The following CA1 variants were observed in gnomAD, a reference collection of about 807,000 sequenced individuals.
CA1 encodes the protein carbonate dehydratase I.
A neutral mutation model predicts 28.8 loss-of-function variants in CA1; 27 were observed. The observed-to-expected ratio is 0.94, with a 90% CI of 0.69 to 1.29. The LOEUF (loss-of-function observed/expected upper bound fraction) is 1.29. Among genes scored for constraint, CA1 ranks in the 50% most tolerant of loss-of-function variants. CA1 has a pLI of 0.00. For synonymous variants in CA1, 121 were observed against 108.8 expected (o/e 1.11, Z -0.70); for missense variants, 335 against 310.5 (o/e 1.08, Z -0.59).
chr8:85,332,891 A>G (rs1472880062), intron 5 of CA1, among the ~76,000 whole-genome samples: 1 of 152,188 alleles, frequency 6.6e-6, no homozygotes, highest in Non-Finnish European at 1.5e-5. Flanking sequence ...ATTAGTTTTC[A>G]TTACTACAGT....
At position 85,329,731 on chromosome 8, in the gene CA1, A is replaced by G; in HGVS notation, c.627T>C (p.Thr209=). The stretch of plus-strand genomic sequence containing the variant: ...TGATGCTCTCCTTACAGATGATCCA[A>G]GTTACACTCTCATAAAGAGGAGGAT... ...LTHPPLYESV[T]WIICKESISV... is the part of the protein sequence containing the mutation. The change falls in exon 7 of 8, where the codon ACT becomes ACC. Residue 209 remains threonine (T), a synonymous_variant. Coordinates refer to ENST00000523022, the MANE Select transcript of CA1 (RefSeq NM_001128831.4). 1.9e-6 allele frequency: 3 copies of G among 1,609,860 alleles called. No individual in the cohort carries two copies. The highest frequency in any genetic ancestry group is 1.1e-5 in the South Asian group (1 of 90,234).
chr8:85,333,392 CA>C, intron 5 of CA1, 132 bp downstream of exon 5: 2 of 642,614 alleles, frequency 3.1e-6, no homozygotes, highest in Non-Finnish European at 5.7e-6. Context: ...ACTATTTGTT[CA>C]CCTGTAGTCA....
Position 85,341,455 on chromosome 8 carries a change from C to T in CA1, c.37+144G>A, listed in dbSNP as rs550415512. The T allele has an allele frequency of 7.2e-5, 45 of 625,154 alleles. 1 individual carries two copies. In the East Asian group the frequency reaches 1.2e-3, roughly 17 times the overall value. The allele number at this position is 625,154 out of a possible 1,614,324, so 38.7% of individuals were successfully genotyped here. A position where few individuals can be genotyped will look rare whatever the true frequency, so the allele number is the denominator to read the frequency against. On this transcript the variant is annotated intron_variant, in intron 2 of 7. Coordinates refer to ENST00000523022, the MANE Select transcript of CA1 (RefSeq NM_001128831.4). The stretch of plus-strand genomic sequence containing the variant: ...GCCCCAAAAGACAATGCTAAGAATA[C>T]ATGCAAAGATAGTATAATTATTTAA...
chr8:85,333,780 CG>C (rs1369748641), intron 4 of CA1, among the ~76,000 whole-genome samples, 160 bp from the exon 5 acceptor site: 2 of 152,138 alleles, frequency 1.3e-5, no homozygotes, highest in Non-Finnish European at 2.9e-5. Flanking sequence ...CATTCTCACT[CG>C]TAGGAAGGGT....
At chr8:85,347,247 T>G (rs924144) in intron 1 of CA1, among the ~76,000 whole-genome samples, 1 of 152,210 alleles carries the variant, frequency 6.6e-6, no homozygotes, top group Non-Finnish European at 1.5e-5. Flanking sequence ...CCTGCTTCAG[T>G]GTCACCTGAA....
At chr8:85,371,627 A>T (rs1810231951) in intron 1 of CA1, among the ~76,000 whole-genome samples, 1 of 152,172 alleles carries the variant, frequency 6.6e-6, no homozygotes, top group South Asian at 2.1e-4. Context: ...CCCAATACAA[A>T]TATTTGTCTA....
At chr8:85,343,552 A>G (rs780465338) in intron 1 of CA1, among the ~76,000 whole-genome samples, 1 of 152,144 alleles carries the variant, frequency 6.6e-6, no homozygotes, top group Non-Finnish European at 1.5e-5. Flanking sequence ...GGAGCAGGCT[A>G]CCCCCTGCCA....
At chr8:85,330,678 C>G (rs1248393326) in intron 6 of CA1, among the ~76,000 whole-genome samples, 1 of 152,090 alleles carries the variant, frequency 6.6e-6, no homozygotes, top group African/African-American at 2.4e-5. Flanking sequence ...AGGGCATTAA[C>G]TTTTATCAAA....
Position 85,338,397 on chromosome 8 carries a change from G to C in CA1, c.90C>G (p.Ser30=). The change falls in exon 3 of 8, where the codon TCC becomes TCG. Residue 30 remains serine, a synonymous_variant. Coordinates refer to ENST00000523022, the MANE Select transcript of CA1 (RefSeq NM_001128831.4). ...LYPIANGNNQ[S]PVDIKTSETK... ...TTTCACTGGTTTTAATATCAACAGG[G>C]GACTGGTTATTTCCATTGGCAATGG... is the stretch of plus-strand genomic sequence containing the variant. 6.2e-7 allele frequency: 1 copy of C among 1,613,848 alleles called. No homozygotes were observed.
intron 1 of CA1, among the ~76,000 whole-genome samples, chr8:85,348,539 G>C (rs1280379688): frequency 6.6e-6 from 1 of 152,098 alleles, no homozygotes; most frequent in Non-Finnish European, 1.5e-5. Context: ...ATTACTCAAG[G>C]GCAGGTTTCA....
chr8:85,352,556 T>C (rs1269670668), intron 1 of CA1, among the ~76,000 whole-genome samples: 4 of 152,144 alleles, frequency 2.6e-5, no homozygotes. Context: ...ACTGTGACCT[T>C]GCCTTTGACC....
intron 1 of CA1, among the ~76,000 whole-genome samples, chr8:85,356,433 G>A (rs558188631): frequency 6.6e-6 from 1 of 152,014 alleles, no homozygotes; most frequent in South Asian, 2.1e-4. Context: ...AGATCAGGTA[G>A]GTGAAAATGT....
chr8:85,333,521 T>A lies in CA1; in HGVS notation c.450+4A>T, dbSNP rs1352574738. On this transcript the variant is annotated splice_donor_region_variant and intron_variant, in intron 5 of 7. Coordinates refer to ENST00000523022, the MANE Select transcript of CA1 (RefSeq NM_001128831.4). ...GCAGAGCTGTGTAATTATCTGTAAC[T>A]CACCTTCATCAAAACACCAATAACT... 6.3e-7 allele frequency: 1 copy of A among 1,586,322 alleles called. No individual in the cohort carries two copies. The highest frequency in any genetic ancestry group is 1.1e-5 in the South Asian group (1 of 90,422).
At position 85,328,630 on chromosome 8, in the gene CA1, G is replaced by A. The variant is rs771935078; in HGVS notation, c.716C>T (p.Ala239Val). The A allele has an allele frequency of 2.7e-5, 43 of 1,611,266 alleles. No homozygotes were observed. Among genetic ancestry groups the A allele is most frequent in the Non-Finnish European group, 3.4e-5 (40 of 1,178,128 alleles). ...GCGGTTGTTGTGCTGCATGGGGACA[G>A]CGTTATCACCTTCAACATTTGATAG... is the stretch of plus-strand genomic sequence containing the variant. ...SLLSNVEGDN[A>V]VPMQHNNRPT... The change falls in exon 8 of 8, where the codon GCT becomes GTT. Residue 239 changes from alanine (A) to valine (V), a missense_variant. Ala to Val is a moderately conservative substitution (Grantham distance 64). Coordinates refer to ENST00000523022, the MANE Select transcript of CA1 (RefSeq NM_001128831.4).
At chr8:85,365,526 T>C (rs1006523565) in intron 1 of CA1, among the ~76,000 whole-genome samples, 4 of 152,224 alleles carry the variant, frequency 2.6e-5, no homozygotes, top group Non-Finnish European at 5.9e-5. Context: ...CACAGTGTTC[T>C]GCACCCGTTC....
chr8:85,358,642 A>G (rs1585953636), intron 1 of CA1, among the ~76,000 whole-genome samples: 1 of 152,306 alleles, frequency 6.6e-6, no homozygotes, highest in East Asian at 1.9e-4. Flanking sequence ...GCCTTCTGGT[A>G]TCCATACCCT....
chr8:85,338,670 T>C (rs1036189702), intron 2 of CA1, among the ~76,000 whole-genome samples: 5 of 51,312 alleles, frequency 9.7e-5, no homozygotes, highest in Non-Finnish European at 1.7e-4. Flanking sequence ...CTTTCTTTCT[T>C]TCTTTCTTTC....
intron 1 of CA1, among the ~76,000 whole-genome samples, chr8:85,348,555 A>G (rs1809289910): frequency 1.3e-5 from 2 of 152,206 alleles, no homozygotes; most frequent in African/African-American, 4.8e-5. Flanking sequence ...TTTCACAGAA[A>G]AAGTACATTA....
chr8:85,331,632 A>G (rs181539728), intron 6 of CA1, among the ~76,000 whole-genome samples: 1 of 151,740 alleles, frequency 6.6e-6, no homozygotes, highest in African/African-American at 2.4e-5. Flanking sequence ...AATTTTTTGT[A>G]TTTTTAGTAG....
Sources: allele counts gnomAD v4.1 joint callset (sites outside exome capture counted in the v4.1 genomes callset), GRCh38; gene constraint gnomAD v4.1.1; transcripts MANE v1.5; gene names NCBI Gene and HGNC (gene_info 2026-07-23, HGNC 2026-07-21).